Variants in TMEFF2 observed in about 807,000 individuals in gnomAD.
TMEFF2 encodes tomoregulin-2.
In TMEFF2, 28 loss-of-function variants were observed where a neutral mutation model predicts 53.8. That is an observed-to-expected ratio of 0.52 (90% CI 0.39 to 0.71). The LOEUF (loss-of-function observed/expected upper bound fraction) is 0.71. Among genes scored for constraint, TMEFF2 ranks in the 30% least tolerant of loss-of-function variants. TMEFF2 has a pLI of 0.00. For synonymous variants in TMEFF2, 162 were observed against 166.3 expected (o/e 0.97, Z 0.20); for missense variants, 353 against 455.2 (o/e 0.78, Z 2.04).
At chr2:192,163,820 C>A (rs1445527913) in intron 4 of TMEFF2, among the ~76,000 whole-genome samples, 1 of 152,146 alleles carries the variant, frequency 6.6e-6, no homozygotes, top group Non-Finnish European at 1.5e-5. Flanking sequence ...TGCTAAATGA[C>A]GTGATGGGGT....
At chr2:192,131,003 C>T (rs1380851797) in intron 4 of TMEFF2, among the ~76,000 whole-genome samples, 19 of 152,096 alleles carry the variant, frequency 1.2e-4, no homozygotes, top group East Asian at 2.0e-4. Context: ...CACGCAGGGA[C>T]GCCTGCCTTG....
At chr2:192,089,832 G>C (rs1240806529) in intron 4 of TMEFF2, among the ~76,000 whole-genome samples, 1 of 152,120 alleles carries the variant, frequency 6.6e-6, no homozygotes, top group Non-Finnish European at 1.5e-5. Flanking sequence ...AATAAGAAAA[G>C]ACATATAAAT....
At chr2:191,964,333 C>CTTCTTTCT (rs368928481) in intron 7 of TMEFF2, among the ~76,000 whole-genome samples, 305 of 71,436 alleles carry the variant, frequency 4.3e-3, no homozygotes, top group Admixed American at 4.9e-3. Flanking sequence ...CCTTTCTTTC[C>CTTCTTTCT]TTCTTTCTTT....
chr2:192,108,640 T>G (rs1689205669), intron 4 of TMEFF2, among the ~76,000 whole-genome samples: 1 of 151,980 alleles, frequency 6.6e-6, no homozygotes, highest in Non-Finnish European at 1.5e-5. Flanking sequence ...AAGAGTTTGA[T>G]GGTTCCTCAA....
intron 5 of TMEFF2, among the ~76,000 whole-genome samples, chr2:192,019,679 T>C (rs1686819571): frequency 6.6e-6 from 1 of 151,994 alleles, no homozygotes; most frequent in South Asian, 2.1e-4. Context: ...TGCATTGGCT[T>C]TTCCTGATGA....
chr2:192,190,209 C>T (rs1168246608), intron 2 of TMEFF2, among the ~76,000 whole-genome samples: 2 of 148,790 alleles, frequency 1.3e-5, no homozygotes, highest in African/African-American at 4.9e-5. Flanking sequence ...CTGTCAACCC[C>T]TTTTTTTTTT....
chr2:192,111,911 C>T (rs749993378), intron 4 of TMEFF2, among the ~76,000 whole-genome samples: 1 of 152,182 alleles, frequency 6.6e-6, no homozygotes, highest in Admixed American at 6.6e-5. Context: ...GCAGTTTCCA[C>T]GTGGTGTTGA....
At chr2:191,976,314 C>T (rs1439983759) in intron 7 of TMEFF2, among the ~76,000 whole-genome samples, 1 of 152,192 alleles carries the variant, frequency 6.6e-6, no homozygotes, top group Non-Finnish European at 1.5e-5. Context: ...ATAAAACCCT[C>T]AGCAAAAGAG....
chr2:191,984,178 T>A (rs1206606155), intron 7 of TMEFF2, among the ~76,000 whole-genome samples: 1 of 152,100 alleles, frequency 6.6e-6, no homozygotes, highest in Non-Finnish European at 1.5e-5. Context: ...AGTGAAAAAA[T>A]TTTGTTAATT....
chr2:191,999,439 CAAAAAT>C (rs1383249821), intron 5 of TMEFF2, among the ~76,000 whole-genome samples: 1 of 151,724 alleles, frequency 6.6e-6, no homozygotes, highest in Non-Finnish European at 1.5e-5. Context: ...AGGAAAAACT[CAAAAAT>C]GATCATCAGT....
intron 4 of TMEFF2, among the ~76,000 whole-genome samples, chr2:192,170,596 T>C (rs1418378489): frequency 1.3e-5 from 2 of 151,522 alleles, no homozygotes; most frequent in East Asian, 1.9e-4. Context: ...TAGAAGAAAA[T>C]AGAGAAAAAG....
At chr2:192,045,390 G>A (rs1231798711) in intron 5 of TMEFF2, among the ~76,000 whole-genome samples, 1 of 152,228 alleles carries the variant, frequency 6.6e-6, no homozygotes, top group Non-Finnish European at 1.5e-5. Flanking sequence ...TGGAATATTG[G>A]TGAGAAGGAA....
At chr2:192,067,437 G>A (rs558681193) in intron 4 of TMEFF2, among the ~76,000 whole-genome samples, 263 of 151,846 alleles carry the variant, frequency 1.7e-3, no homozygotes, top group Middle Eastern at 3.4e-3. Context: ...TGTCTCTCTT[G>A]TATTTACATT....
chr2:192,014,517 A>G (rs1320799683), intron 5 of TMEFF2, among the ~76,000 whole-genome samples: 1 of 152,192 alleles, frequency 6.6e-6, no homozygotes, highest in Non-Finnish European at 1.5e-5. Context: ...TAGTATCCTT[A>G]AGATCACCTA....
chr2:192,167,986 C>T (rs200721932), intron 4 of TMEFF2, among the ~76,000 whole-genome samples: 8 of 152,090 alleles, frequency 5.3e-5, no homozygotes, highest in South Asian at 2.1e-4. Flanking sequence ...ACATAGCACA[C>T]GCCAGACACA....
rs751545937 is a variant in TMEFF2 at position 192,163,881 on chromosome 2, AT to A, written c.439+15786del. Among the ~76,000 whole-genome samples the A allele has an allele frequency of 1.4e-4, 22 of 152,072 alleles. 1 individual carries two copies. The highest frequency in any genetic ancestry group is 3.2e-4 in the Non-Finnish European group (22 of 68,010). ...ATCCTTCTTTGCGTTGGCATGTAAC[AT>A]TTTTGTTCACACCAATAACAATATA... On this transcript the variant is annotated intron_variant, in intron 4 of 9. Coordinates refer to ENST00000272771, the MANE Select transcript of TMEFF2 (RefSeq NM_016192.4).
At chr2:192,116,200 C>A (rs1213323363) in intron 4 of TMEFF2, among the ~76,000 whole-genome samples, 2 of 151,902 alleles carry the variant, frequency 1.3e-5, no homozygotes, top group Admixed American at 1.3e-4. Context: ...ATGGATGAAC[C>A]TTGAGACAAT....
chr2:192,028,779 T>C (rs1004037924), intron 5 of TMEFF2: 9 of 152,148 alleles, frequency 5.9e-5, no homozygotes, highest in African/African-American at 2.2e-4. Context: ...AATTGTGTAA[T>C]TTTGGTGATT....
rs73051704 is a variant in TMEFF2, at chr2:192,178,149, T to C, written c.439+1519A>G. 1.9e-3 allele frequency: 283 copies of C among 151,116 alleles called. 2 individuals carry two copies. The highest frequency in any genetic ancestry group is 6.5e-3 in the African/African-American group (270 of 41,414). The allele number at this position is 151,116 out of a possible 1,614,324, so 9.4% of individuals were successfully genotyped here. A position where few individuals can be genotyped will look rare whatever the true frequency, so the allele number is the denominator to read the frequency against. ...AGTCTCAGCACAATATTTGCAAAAT[T>C]AGGTAGTCTACATATAAAACTAAAC... is the stretch of plus-strand genomic sequence containing the variant. On this transcript the variant is annotated intron_variant, in intron 4 of 9. Coordinates refer to ENST00000272771, the MANE Select transcript of TMEFF2 (RefSeq NM_016192.4).
Sources: gnomAD v4.1 joint callset for allele counts (sites outside exome capture counted in the v4.1 genomes callset) on GRCh38, gnomAD v4.1.1 for gene constraint, MANE v1.5 for transcripts, NCBI Gene and HGNC (gene_info 2026-07-23, HGNC 2026-07-21) for gene names.